The following PRDM16 variants were observed in gnomAD, a reference collection of about 807,000 sequenced individuals.
PRDM16 encodes the protein histone-lysine N-methyltransferase PRDM16.
A neutral mutation model predicts 110.6 loss-of-function variants in PRDM16; 23 were observed. The ratio of observed to expected loss-of-function variants is 0.21; its 90% confidence interval spans 0.15 to 0.29. The LOEUF (loss-of-function observed/expected upper bound fraction) is 0.29, where lower values mean the gene tolerates loss of function less well. PRDM16 is among the 10% of genes least tolerant of loss of function. The probability of loss-of-function intolerance (pLI) is 1.00; values close to 1 mark genes in which losing one functional copy is unlikely to be tolerated. For missense variants in PRDM16, 1,615 were observed against 1,794.3 expected, an observed-to-expected ratio of 0.90 and a Z score of 1.81; for synonymous variants, 799 against 781.8, an observed-to-expected ratio of 1.02 and a Z score of -0.37.
At chr1:3,357,724 T>C (rs1642636689) in intron 3 of PRDM16, among the ~76,000 whole-genome samples, 1 of 152,152 alleles carries the variant, frequency 6.6e-6, no homozygotes, top group South Asian at 2.1e-4. Flanking sequence ...CAGCAGCACT[T>C]CTCAACCCAG....
chr1:3,164,389 G>A (rs952815811), intron 1 of PRDM16, among the ~76,000 whole-genome samples: 6 of 152,340 alleles, frequency 3.9e-5, no homozygotes, highest in Admixed American at 2.6e-4. Flanking sequence ...TGGGCCGACA[G>A]CTTCTGGGAA....
At chr1:3,405,015 C>T (rs1348708332) in intron 7 of PRDM16, 129 bp downstream of exon 7, 5 of 984,046 alleles carry the variant, frequency 5.1e-6, no homozygotes, top group South Asian at 3.3e-5. Context: ...TAGGAGGCCC[C>T]TGCGGTGGCT....
intron 3 of PRDM16, among the ~76,000 whole-genome samples, chr1:3,376,155 T>C (rs1454725742): frequency 1.3e-5 from 2 of 152,134 alleles, no homozygotes; most frequent in Non-Finnish European, 2.9e-5. Context: ...CTGGAGCTTT[T>C]GAAGGGAGAG....
chr1:3,326,787 G>A lies in PRDM16; in HGVS notation c.439-58365G>A, dbSNP rs11809320. 3.3e-5 allele frequency among the ~76,000 whole-genome samples: 5 copies of A among 152,322 alleles called. No individual in the cohort carries two copies. The East Asian group carries it at 5.8e-4, about 18-fold the overall frequency. ...CTGGCTCCCAAGCCCCCCACCAGCCGCCGCGTGGCCTGACAGCAGGGGGAG... is the reference window on the plus strand; with the variant it reads ...CTGGCTCCCAAGCCCCCCACCAGCCACCGCGTGGCCTGACAGCAGGGGGAG... On this transcript the variant is annotated intron_variant, in intron 3 of 16. Transcript: ENST00000270722.
chr1:3,273,817 AGTGTGTGTGTGTGT>A (rs57550885), intron 3 of PRDM16, among the ~76,000 whole-genome samples: 1 of 136,960 alleles, frequency 7.3e-6, no homozygotes, highest in Non-Finnish European at 1.6e-5. Flanking sequence ...TAGGCATGTA[AGTGTGTGTGTGTGT>A]GTGTGTGTGT....
Position 3,412,342 on chromosome 1 carries a change from G to C in PRDM16, c.2145G>C (p.Lys715Asn), listed in dbSNP as rs758955781. Reference protein sequence around the residue: ...GPGFMGMQEKKLGSLPYHSAF... With the variant: ...GPGFMGMQEKNLGSLPYHSAF... ...GCTTCATGGGGATGCAGGAGAAGAA[G>C]CTGGGCTCGCTCCCCTACCACTCGG... Residue 715 changes from lysine to asparagine, a missense_variant, in exon 9 of 17, where the codon AAG (lysine) becomes AAC (asparagine). By Grantham distance (94) the Lys-to-Asn change is moderately conservative. Transcript: ENST00000270722. 1.9e-6 allele frequency: 3 copies of C among 1,613,764 alleles called. No individual in the cohort carries two copies. The South Asian group carries it at 3.3e-5, about 18-fold the overall frequency.
Position 3,080,988 on chromosome 1 carries a change from C to T in PRDM16, c.37+11692C>T, listed in dbSNP as rs1642012123. ...GGGGTCTGCACATTCCGCCGAGTGT[C>T]CTCATGAACAAAAGGCCTAAAAAAA... On this transcript the variant is annotated intron_variant, in intron 1 of 16. Coordinates refer to ENST00000270722, the MANE Select transcript of PRDM16 (RefSeq NM_022114.4). This position sits in a 1 kb window ranked among gnomAD's most constrained non-coding sequence, Gnocchi z 5.2. 6.6e-6 allele frequency among the ~76,000 whole-genome samples: 1 copy of T among 151,380 alleles called. No homozygotes were observed. The highest frequency in any genetic ancestry group is 1.5e-5 in the Non-Finnish European group (1 of 67,906).
At chr1:3,162,321 G>A (rs1446977563) in intron 1 of PRDM16, among the ~76,000 whole-genome samples, 2 of 152,112 alleles carry the variant, frequency 1.3e-5, no homozygotes, top group African/African-American at 2.4e-5. Flanking sequence ...CTCCGTGCCC[G>A]GTAAATAGTG....
chr1:3,187,074 C>T (rs370754856), intron 2 of PRDM16, among the ~76,000 whole-genome samples: 1 of 152,200 alleles, frequency 6.6e-6, no homozygotes, highest in African/African-American at 2.4e-5. Flanking sequence ...GCCTGGTGAT[C>T]CTGCTGCAGG....
At chr1:3,156,161 T>C (rs1643856255) in intron 1 of PRDM16, among the ~76,000 whole-genome samples, 1 of 152,192 alleles carries the variant, frequency 6.6e-6, no homozygotes, top group Non-Finnish European at 1.5e-5. Context: ...CTCTCCCATT[T>C]ATTTAGATAA....
intron 1 of PRDM16, among the ~76,000 whole-genome samples, chr1:3,079,059 A>G (rs1641960118): frequency 6.6e-6 from 1 of 152,236 alleles, no homozygotes; most frequent in Non-Finnish European, 1.5e-5. Flanking sequence ...CCGGGCAAAC[A>G]GGAAGTTGGC....
intron 3 of PRDM16, among the ~76,000 whole-genome samples, chr1:3,276,963 C>T (rs1216580863): frequency 1.3e-5 from 2 of 152,116 alleles, no homozygotes; most frequent in Admixed American, 6.5e-5. Flanking sequence ...GTCTGCCTCT[C>T]GTCCCCGTGG....
chr1:3,110,723 C>A (rs1642772482), intron 1 of PRDM16, among the ~76,000 whole-genome samples: 1 of 152,224 alleles, frequency 6.6e-6, no homozygotes, highest in Non-Finnish European at 1.5e-5. Context: ...CTTTCCTTCT[C>A]CTCACGTGGC....
intron 10 of PRDM16, among the ~76,000 whole-genome samples, chr1:3,417,232 G>A (rs768326321): frequency 6.6e-6 from 1 of 152,178 alleles, no homozygotes; most frequent in African/African-American, 2.4e-5. Context: ...TTCCTTTGTG[G>A]GTTTAAGTCT....
chr1:3,414,699 C>A (rs1445488748), intron 10 of PRDM16, 52 bp downstream of exon 10: 1 of 1,427,024 alleles, frequency 7.0e-7, no homozygotes, highest in Non-Finnish European at 9.8e-7. Context: ...GCCAGTGGCC[C>A]CATCTCCCGG....
intron 3 of PRDM16, among the ~76,000 whole-genome samples, chr1:3,328,564 G>A (rs1241312243): frequency 6.6e-6 from 1 of 152,174 alleles, no homozygotes; most frequent in Admixed American, 6.5e-5. Context: ...CCAGCCGAGG[G>A]GTCCTGTCTG....
intron 1 of PRDM16, among the ~76,000 whole-genome samples, chr1:3,159,876 C>T (rs72630965): frequency 6.6e-6 from 1 of 152,328 alleles, no homozygotes; most frequent in Non-Finnish European, 1.5e-5. Flanking sequence ...AGAGAAAATA[C>T]AGGACACCCA....
At chr1:3,348,412 G>A (rs997250452) in intron 3 of PRDM16, among the ~76,000 whole-genome samples, 4 of 152,228 alleles carry the variant, frequency 2.6e-5, no homozygotes, top group South Asian at 2.1e-4. Context: ...AGAGGCCAGC[G>A]GTGGGGGCAG....
chr1:3,425,539 A>T lies in PRDM16; in HGVS notation c.2940-42A>T. 6.3e-7 allele frequency: 1 copy of T among 1,589,610 alleles called. No homozygotes were observed. Among genetic ancestry groups the T allele is most frequent in the Non-Finnish European group, 8.6e-7 (1 of 1,164,952 alleles). On this transcript the variant is annotated intron_variant, in intron 12 of 16. Coordinates refer to ENST00000270722, the MANE Select transcript of PRDM16 (RefSeq NM_022114.4). The surrounding 1 kb of genome is among the most constrained non-coding windows in gnomAD (Gnocchi z 6.9). ...CCCTCTGTGGCCCGGCCTGCCATGC[A>T]GAGCCGGGGCCTGCACTGAGGAGCG...
Sources: gnomAD v4.1 joint callset for allele counts (sites outside exome capture counted in the v4.1 genomes callset) on GRCh38, gnomAD v4.1.1 for gene constraint, Gnocchi (gnomAD v3.1) non-coding constraint, MANE v1.5 for transcripts, NCBI Gene and HGNC (gene_info 2026-07-23, HGNC 2026-07-21) for gene names.